AHI1: variants seen among roughly 807,000 people sequenced by gnomAD.
AHI1 encodes the protein Abelson helper integration site 1.
Under a neutral mutation model 149.3 loss-of-function variants are expected in AHI1, and 123 were observed. The observed-to-expected ratio is 0.82, with a 90% CI of 0.71 to 0.96. The LOEUF (loss-of-function observed/expected upper bound fraction) is 0.96, where lower values mean the gene tolerates loss of function less well. AHI1 is among the 40% of genes least tolerant of loss of function. The probability of loss-of-function intolerance (pLI) is 0.00; values close to 1 mark genes in which losing one functional copy is unlikely to be tolerated. For synonymous variants in AHI1, 475 were observed against 459.8 expected, an observed-to-expected ratio of 1.03 and a Z score of -0.42; for missense variants, 1,439 against 1,422.7, an observed-to-expected ratio of 1.01 and a Z score of -0.18.
At chr6:135,473,189 A>G (rs1436530014) in intron 5 of AHI1, among the ~76,000 whole-genome samples, 3 of 152,116 alleles carry the variant, frequency 2.0e-5, no homozygotes, top group Non-Finnish European at 4.4e-5. Flanking sequence ...TTCCAGGACC[A>G]TTTGTTGAAA....
intron 27 of AHI1, among the ~76,000 whole-genome samples, chr6:135,296,488 C>A (rs1583554240): frequency 6.6e-6 from 1 of 152,162 alleles, no homozygotes; most frequent in Admixed American, 6.5e-5. Context: ...TTTATCCAAT[C>A]TCTCCCAGTT....
At chr6:135,431,338 CACTT>C (rs1248495561) in intron 16 of AHI1, 24 bp from the exon 17 acceptor site, 1 of 1,419,440 alleles carries the variant, frequency 7.0e-7, no homozygotes. Context: ...TAAGATCACT[CACTT>C]ATGAATGTCA....
intron 27 of AHI1, among the ~76,000 whole-genome samples, chr6:135,292,476 AAAC>A (rs1213736607): frequency 1.3e-5 from 2 of 152,210 alleles, no homozygotes; most frequent in Non-Finnish European, 2.9e-5. Flanking sequence ...CTCTTGTCTA[AAAC>A]AACAACAACA....
chr6:135,296,912 C>G (rs1032519388), intron 27 of AHI1, among the ~76,000 whole-genome samples: 7 of 152,208 alleles, frequency 4.6e-5, no homozygotes, highest in Admixed American at 2.6e-4. Flanking sequence ...GTCTTCCTTG[C>G]CACACTGGGC....
intron 23 of AHI1, among the ~76,000 whole-genome samples, chr6:135,368,076 G>A (rs765930722): frequency 6.6e-6 from 1 of 152,164 alleles, no homozygotes; most frequent in African/African-American, 2.4e-5. Flanking sequence ...ATTCCCCTAA[G>A]GATGGGGCTT....
At chr6:135,479,188 C>A (rs1405757620) in intron 5 of AHI1, among the ~76,000 whole-genome samples, 2 of 152,110 alleles carry the variant, frequency 1.3e-5, no homozygotes, top group African/African-American at 4.8e-5. Flanking sequence ...CACTGGGGCA[C>A]TGCCTAGGGG....
At chr6:135,408,709 G>T (rs572227775) in intron 21 of AHI1, among the ~76,000 whole-genome samples, 2 of 152,208 alleles carry the variant, frequency 1.3e-5, no homozygotes, top group South Asian at 4.1e-4. Context: ...AGCAAGAAAA[G>T]GGATAACATT....
At chr6:135,455,197 TATA>T (rs1269564287) in intron 10 of AHI1, among the ~76,000 whole-genome samples, 2 of 152,178 alleles carry the variant, frequency 1.3e-5, no homozygotes, top group African/African-American at 2.4e-5. Flanking sequence ...AAGAAAATTA[TATA>T]ATAACAACTA....
intron 24 of AHI1, among the ~76,000 whole-genome samples, chr6:135,353,738 A>G (rs1792523299): frequency 6.6e-6 from 1 of 152,092 alleles, no homozygotes; most frequent in South Asian, 2.1e-4. Context: ...ACATTTATGA[A>G]TAAGTTTAGT....
intron 24 of AHI1, among the ~76,000 whole-genome samples, chr6:135,331,521 T>G (rs1296066190): frequency 6.6e-6 from 1 of 152,180 alleles, no homozygotes; most frequent in African/African-American, 2.4e-5. Flanking sequence ...CTGTATTATC[T>G]TTCAAGGGAT....
intron 5 of AHI1, among the ~76,000 whole-genome samples, chr6:135,489,702 C>A (rs1794972836): frequency 6.6e-6 from 1 of 152,244 alleles, no homozygotes; most frequent in South Asian, 2.1e-4. Flanking sequence ...CCAGTGTATA[C>A]ACTATGAACC....
At chr6:135,375,187 A>G (rs1319853503) in intron 23 of AHI1, among the ~76,000 whole-genome samples, 1 of 152,178 alleles carries the variant, frequency 6.6e-6, no homozygotes, top group Non-Finnish European at 1.5e-5. Flanking sequence ...TCCCCAAGAC[A>G]ATATATAAAT....
intron 5 of AHI1, among the ~76,000 whole-genome samples, chr6:135,475,676 ATGT>A: frequency 6.6e-6 from 1 of 152,290 alleles, no homozygotes; most frequent in South Asian, 2.1e-4. Context: ...ATTTTGTCAC[ATGT>A]TGTTGGAGGA....
In AHI1 at chr6:135,318,557, C is replaced by T. The variant is rs745419871; in HGVS notation, c.3388G>A (p.Glu1130Lys). ...KERSPPLSPE[E>K]KTKIEKSPAP... The stretch of plus-strand genomic sequence containing the variant: ...GGAGATTTTTCTATTTTAGTTTTTT[C>T]CTCAGGGCTTAAAGGAGGGGATCGC... Residue 1130 changes from glutamate (E) to lysine (K), a missense_variant, in exon 26 of 29, where the codon GAA becomes AAA. Glu to Lys is a moderately conservative substitution (Grantham distance 56). Coordinates refer to ENST00000265602, the MANE Select transcript of AHI1 (RefSeq NM_001134831.2). 1.2e-6 allele frequency: 2 copies of T among 1,603,692 alleles called. No homozygotes were observed. The highest frequency in any genetic ancestry group is 1.7e-6 in the Non-Finnish European group (2 of 1,175,008).
At chr6:135,370,360 T>C (rs546332991) in intron 23 of AHI1, among the ~76,000 whole-genome samples, 10 of 152,356 alleles carry the variant, frequency 6.6e-5, no homozygotes, top group African/African-American at 2.4e-4. Context: ...CTCTCTGCCT[T>C]ACTCCCAGTT....
intron 21 of AHI1, among the ~76,000 whole-genome samples, chr6:135,408,930 T>C (rs1583080927): frequency 6.6e-6 from 1 of 152,250 alleles, no homozygotes; most frequent in South Asian, 2.1e-4. Context: ...AATGCTACAC[T>C]ACCTTTAACA....
chr6:135,348,109 A>G (rs1791528166), intron 24 of AHI1, among the ~76,000 whole-genome samples: 1 of 152,324 alleles, frequency 6.6e-6, no homozygotes, highest in Middle Eastern at 3.4e-3. Flanking sequence ...GGGGACACTG[A>G]GATGACAGGA....
In AHI1 at chr6:135,455,764, A is replaced by T. The variant is rs1788837837; in HGVS notation, c.1314T>A (p.Asp438Glu). 6.2e-7 allele frequency: 1 copy of T among 1,604,128 alleles called. No homozygotes were observed. ...ENFPYLLRGS[D>E]ESPKVILFFE... ...AGAACAGGATGACTTTAGGACTCTC[A>T]TCAGAGCCTCGAAGCAAATAGGGAA... Residue 438 changes from aspartate to glutamate, a missense_variant, in exon 10 of 29, where the codon GAT becomes GAA. By Grantham distance (45) the Asp-to-Glu change is conservative. Transcript: ENST00000265602.
At chr6:135,446,965 T>G (rs1787335014) in intron 13 of AHI1, 43 bp downstream of exon 13, 1 of 1,565,954 alleles carries the variant, frequency 6.4e-7, no homozygotes, top group East Asian at 2.3e-5. Flanking sequence ...TTTAAGGTAA[T>G]AAGTAAACAT....
Sources: allele counts gnomAD v4.1 joint callset (sites outside exome capture counted in the v4.1 genomes callset), GRCh38; gene constraint gnomAD v4.1.1; transcripts MANE v1.5; gene names NCBI Gene and HGNC (gene_info 2026-07-23, HGNC 2026-07-21).